Variants in MALRD1 observed in about 807,000 individuals in gnomAD.
MALRD1 encodes the protein MAM and LDL-receptor class A domain-containing protein 1.
Under a neutral mutation model 242.1 loss-of-function variants are expected in MALRD1, and 247 were observed. The observed-to-expected ratio is 1.02, with a 90% CI of 0.92 to 1.13. The LOEUF (loss-of-function observed/expected upper bound fraction) is 1.13, where lower values mean the gene tolerates loss of function less well. Ranked by LOEUF, MALRD1 falls within the 50% of genes most tolerant of loss-of-function variation. The pLI is 0.00. For missense variants in MALRD1, 2,989 were observed against 2,533.1 expected, an observed-to-expected ratio of 1.18 and a Z score of -3.86; for synonymous variants, 995 against 866.6, an observed-to-expected ratio of 1.15 and a Z score of -2.60.
At chr10:19,648,564 C>G (rs1264076965) in intron 36 of MALRD1, among the ~76,000 whole-genome samples, 1 of 152,094 alleles carries the variant, frequency 6.6e-6, no homozygotes, top group East Asian at 1.9e-4. Context: ...AACATCAACA[C>G]TTTTCAGAGG....
intron 21 of MALRD1, among the ~76,000 whole-genome samples, chr10:19,306,037 TTA>T (rs1842163719): frequency 1.1e-5 from 1 of 92,942 alleles, no homozygotes; most frequent in Non-Finnish European, 2.2e-5. Context: ...ATACTATATA[TTA>T]TATAGTATAC....
At chr10:19,560,568 C>A (rs544774524) in intron 32 of MALRD1, among the ~76,000 whole-genome samples, 1 of 152,106 alleles carries the variant, frequency 6.6e-6, no homozygotes, top group Non-Finnish European at 1.5e-5. Context: ...AACCCAAATG[C>A]CCATCAATGA....
At chr10:19,451,758 C>G (rs2131045637) in intron 29 of MALRD1, among the ~76,000 whole-genome samples, 1 of 152,274 alleles carries the variant, frequency 6.6e-6, no homozygotes, top group African/African-American at 2.4e-5. Flanking sequence ...TCAAAAGATT[C>G]TACTTAGAAA....
intron 14 of MALRD1, among the ~76,000 whole-genome samples, chr10:19,186,521 G>A (rs1835744354): frequency 1.3e-5 from 2 of 152,200 alleles, no homozygotes. Flanking sequence ...ATTCAGGATA[G>A]TAGTGAAAAT....
chr10:19,374,742 A>G (rs918148181), intron 26 of MALRD1, among the ~76,000 whole-genome samples: 1 of 152,192 alleles, frequency 6.6e-6, no homozygotes, highest in East Asian at 1.9e-4. Context: ...AGCAAGGTGG[A>G]TGAAGAAATA....
At position 19,595,313 on chromosome 10, in the gene MALRD1, G is replaced by A. The variant is rs1189528234; in HGVS notation, c.5800G>A (p.Asp1934Asn). 1 of 1,550,784 alleles carries A rather than the reference G, an allele frequency of 6.4e-7. No homozygotes were observed. The highest frequency in any genetic ancestry group is 2.4e-5 in the East Asian group (1 of 40,910). The change falls in exon 34 of 40, where the codon GAT becomes AAT. Residue 1934 changes from aspartate to asparagine, a missense_variant. Asp to Asn is a conservative substitution (Grantham distance 23, BLOSUM62 1). Transcript: ENST00000454679. ...DGHEDCIDGS[D>N]EMDCPLSPTP... ...ACATGAAGACTGCATAGATGGATCTGATGAAATGGATTGTCCTCTCAGCCC... is the reference window on the plus strand; with the variant it reads ...ACATGAAGACTGCATAGATGGATCTAATGAAATGGATTGTCCTCTCAGCCC...
At chr10:19,505,087 G>A (rs930859977) in intron 31 of MALRD1, among the ~76,000 whole-genome samples, 1 of 152,252 alleles carries the variant, frequency 6.6e-6, no homozygotes, top group East Asian at 1.9e-4. Context: ...AAAAGAAGGA[G>A]AAAGAGGCAG....
At chr10:19,716,056 C>T (rs1032094534) in intron 38 of MALRD1, among the ~76,000 whole-genome samples, 1 of 152,202 alleles carries the variant, frequency 6.6e-6, no homozygotes, top group Non-Finnish European at 1.5e-5. Flanking sequence ...ACAAAACATC[C>T]AAATCATATC....
At chr10:19,640,541 A>C (rs1456827456) in intron 36 of MALRD1, among the ~76,000 whole-genome samples, 3 of 152,160 alleles carry the variant, frequency 2.0e-5, no homozygotes, top group African/African-American at 7.2e-5. Context: ...ATTTCAAAAA[A>C]GTTGCTAATT....
intron 31 of MALRD1, among the ~76,000 whole-genome samples, chr10:19,508,872 G>A (rs1027398975): frequency 2.0e-5 from 3 of 152,070 alleles, no homozygotes; most frequent in African/African-American, 7.2e-5. Context: ...ATAAAACACT[G>A]GAATTGACTG....
At chr10:19,418,937 T>C (rs922087303) in intron 28 of MALRD1, among the ~76,000 whole-genome samples, 1 of 152,184 alleles carries the variant, frequency 6.6e-6, no homozygotes, top group African/African-American at 2.4e-5. Flanking sequence ...CATTGCCTCC[T>C]TGAAAGCTAT....
intron 36 of MALRD1, among the ~76,000 whole-genome samples, chr10:19,683,597 C>CT (rs1221675692): frequency 1.4e-4 from 22 of 152,186 alleles, no homozygotes; most frequent in African/African-American, 4.8e-4. Flanking sequence ...TCACAGCTGC[C>CT]TGTCTATATC....
At chr10:19,107,027 A>T (rs544005474) in intron 5 of MALRD1, among the ~76,000 whole-genome samples, 1 of 152,076 alleles carries the variant, frequency 6.6e-6, no homozygotes, top group African/African-American at 2.4e-5. Flanking sequence ...AAAATGGTTG[A>T]GACTTGTTTT....
upstream of MALRD1, among the ~76,000 whole-genome samples, chr10:19,047,966 A>G (rs1018197256): frequency 6.6e-6 from 1 of 152,244 alleles, no homozygotes; most frequent in Non-Finnish European, 1.5e-5. Flanking sequence ...TCAAATATAA[A>G]GCAATGTATA....
At chr10:19,345,610 G>A (rs1309039064) in intron 24 of MALRD1, among the ~76,000 whole-genome samples, 1 of 151,860 alleles carries the variant, frequency 6.6e-6, no homozygotes, top group Non-Finnish European at 1.5e-5. Flanking sequence ...AACTGAATTA[G>A]CAATTCGATT....
chr10:19,653,887 T>G (rs547308675), intron 36 of MALRD1, among the ~76,000 whole-genome samples: 1 of 152,280 alleles, frequency 6.6e-6, no homozygotes, highest in Admixed American at 6.5e-5. Context: ...ATTTGGGCAC[T>G]CCTTTGCTGC....
chr10:19,501,321 C>T (rs759758556), intron 31 of MALRD1, among the ~76,000 whole-genome samples: 1 of 152,136 alleles, frequency 6.6e-6, no homozygotes, highest in Admixed American at 6.5e-5. Context: ...AACTAGATGT[C>T]GGAAGCACTC....
chr10:19,510,641 T>C (rs996385705), intron 31 of MALRD1, among the ~76,000 whole-genome samples: 1 of 152,234 alleles, frequency 6.6e-6, no homozygotes, highest in African/African-American at 2.4e-5. Flanking sequence ...AGGGTAGGGT[T>C]ACAGATTAAC....
intron 38 of MALRD1, among the ~76,000 whole-genome samples, chr10:19,718,122 A>AGAAGAGGAAGAAGAG (rs1416836876): frequency 2.7e-5 from 4 of 150,528 alleles, no homozygotes; most frequent in East Asian, 2.0e-4. Context: ...AAGAAGAAGA[A>AGAAGAGGAAGAAGAG]GAAGAGGAAG....
Sources: allele counts gnomAD v4.1 joint callset (sites outside exome capture counted in the v4.1 genomes callset), GRCh38; gene constraint gnomAD v4.1.1; transcripts MANE v1.5; gene names NCBI Gene and HGNC (gene_info 2026-07-23, HGNC 2026-07-21).